Variants in CROCC observed in about 807,000 individuals in gnomAD.
CROCC encodes ciliary rootlet coiled-coil, rootletin, also known as rootletin.
In CROCC, 180 loss-of-function variants were observed where a neutral mutation model predicts 245.2. That is an observed-to-expected ratio of 0.73 (90% CI 0.65 to 0.83). The LOEUF (loss-of-function observed/expected upper bound fraction) is 0.83, where lower values mean the gene tolerates loss of function less well. Ranked by LOEUF, CROCC falls within the 40% of genes least tolerant of loss-of-function variation. The probability of loss-of-function intolerance (pLI) is 0.00; values close to 1 mark genes in which losing one functional copy is unlikely to be tolerated. For synonymous variants in CROCC, 1,205 were observed against 1,241.6 expected, an observed-to-expected ratio of 0.97 and a Z score of 0.62; for missense variants, 2,688 against 2,779.4, an observed-to-expected ratio of 0.97 and a Z score of 0.74.
chr1:16,921,425 A>G (rs182703510), upstream of CROCC, among the ~76,000 whole-genome samples: 4 of 152,416 alleles, frequency 2.6e-5, no homozygotes, highest in East Asian at 7.7e-4. Context: ...TGGACCGCTC[A>G]TGCCCAACTA....
rs775720530 is a variant in CROCC at position 16,948,868 on chromosome 1, C to T, written c.2778C>T (p.Arg926=). ...GGCAGCTGGCCCAGCTTGAGGCCCG[C>T]CGGGAGCAGCTGGAAGCCGAGGGGC... ...VQRQLAQLEA[R]REQLEAEGQA... Residue 926 remains arginine, a synonymous_variant, in exon 19 of 37, where the codon CGC becomes CGT. Coordinates refer to ENST00000375541, the MANE Select transcript of CROCC (RefSeq NM_014675.5). The T allele has an allele frequency of 1.9e-6, 3 of 1,611,298 alleles. No individual in the cohort carries two copies. In the East Asian group the frequency reaches 6.7e-5, roughly 36 times the overall value.
chr1:16,946,636 G>A (rs1356095186), intron 16 of CROCC, 125 bp from the exon 17 acceptor site: 2 of 1,172,164 alleles, frequency 1.7e-6, no homozygotes, highest in African/African-American at 1.5e-5. Context: ...TACACCCAAG[G>A]GCACTGTCCC....
At chr1:16,929,137 A>G (rs2075604863) in intron 3 of CROCC, among the ~76,000 whole-genome samples, 1 of 152,278 alleles carries the variant, frequency 6.6e-6, no homozygotes, top group Non-Finnish European at 1.5e-5. Context: ...AGAAGGGGGC[A>G]TTAATATGCA....
intron 13 of CROCC, chr1:16,940,843 C>A: frequency 2.5e-6 from 1 of 397,302 alleles, no homozygotes. Flanking sequence ...CCTCCCACCT[C>A]TACCTCCCAA....
rs367909410 is a variant in CROCC at position 16,950,963 on chromosome 1, G to A, written c.2847G>A (p.Ala949=). The change falls in exon 20 of 37, where the codon GCG becomes GCA. Residue 949 remains alanine, a synonymous_variant. Coordinates refer to ENST00000375541, the MANE Select transcript of CROCC (RefSeq NM_014675.5). Reference sequence around the variant, plus strand: ...ATTCCTCTCGTGCAGGGGAGTTGGCGGGCCTGCGGCAGCAAATAATAGCTA... The same window carrying A: ...ATTCCTCTCGTGCAGGGGAGTTGGCAGGCCTGCGGCAGCAAATAATAGCTA... ...LAKETLTGEL[A]GLRQQIIATQ... The A allele has an allele frequency of 8.5e-5, 132 of 1,554,688 alleles. No individual in the cohort carries two copies. The African/African-American group carries it at 1.4e-3, about 16-fold the overall frequency.
chr1:16,930,993 G>A (rs1288937252), intron 7 of CROCC, among the ~76,000 whole-genome samples: 5 of 152,292 alleles, frequency 3.3e-5, no homozygotes, highest in African/African-American at 1.2e-4. Flanking sequence ...TAAGTAACCT[G>A]CCCACAGTCA....
At chr1:16,955,155 T>G (rs894613920) in intron 23 of CROCC, among the ~76,000 whole-genome samples, 157 bp from the exon 24 acceptor site, 2 of 152,128 alleles carry the variant, frequency 1.3e-5, no homozygotes, top group Non-Finnish European at 2.9e-5. Context: ...CATTACTGAT[T>G]ACAGCACGCC....
At chr1:16,967,232 G>A (rs1442941329) in intron 30 of CROCC, among the ~76,000 whole-genome samples, 1 of 152,128 alleles carries the variant, frequency 6.6e-6, no homozygotes. Flanking sequence ...TTATGTCTCT[G>A]TAGTTCTGGG....
intron 25 of CROCC, 47 bp downstream of exon 25, chr1:16,956,203 C>T (rs1221791180): frequency 8.8e-6 from 13 of 1,469,816 alleles, no homozygotes; most frequent in Admixed American, 5.0e-5. Flanking sequence ...CTGTGTGCCC[C>T]GGGCCAATAG....
intron 8 of CROCC, among the ~76,000 whole-genome samples, chr1:16,933,475 A>C (rs1260085411): frequency 6.6e-6 from 1 of 152,288 alleles, no homozygotes; most frequent in East Asian, 1.9e-4. Context: ...TCGAAAAAAA[A>C]AGTCACAGAT....
intron 25 of CROCC, among the ~76,000 whole-genome samples, chr1:16,957,752 A>T (rs116376266): frequency 0.021 from 3,222 of 152,182 alleles, 49 homozygotes; most frequent in Non-Finnish European, 0.033. Flanking sequence ...GCCCCCCCAA[A>T]TTTTTTTAAT....
intron 8 of CROCC, among the ~76,000 whole-genome samples, chr1:16,935,880 CTG>C (rs1361429685): frequency 2.0e-5 from 3 of 152,276 alleles, no homozygotes; most frequent in African/African-American, 7.2e-5. Flanking sequence ...GCCATCTCCT[CTG>C]TGCTGGGGTA....
chr1:16,953,244 G>A (rs891443701), intron 20 of CROCC, 58 bp from the exon 21 acceptor site: 47 of 1,487,150 alleles, frequency 3.2e-5, no homozygotes, highest in Admixed American at 6.1e-5. Flanking sequence ...TGATGTTTTG[G>A]GGGGTCTGCC....
chr1:16,935,268 C>G (rs113418768), intron 8 of CROCC, among the ~76,000 whole-genome samples: 504 of 152,260 alleles, frequency 3.3e-3, no homozygotes, highest in African/African-American at 0.011. Context: ...CACACACACA[C>G]AGAGACACAC....
chr1:16,915,544 G>A (rs1473160578), intron 1 of CROCC, among the ~76,000 whole-genome samples: 2 of 152,262 alleles, frequency 1.3e-5, no homozygotes, highest in East Asian at 3.8e-4. Context: ...GGAGGCTGAG[G>A]TGGGAGGATC....
In CROCC at chr1:16,953,447, AG is replaced by A; in HGVS notation, c.3155del (p.Gly1052AlafsTer4). The A allele has an allele frequency of 6.2e-7, 1 of 1,609,724 alleles. No individual in the cohort carries two copies. On this transcript the variant is annotated frameshift_variant, in exon 21 of 37. Coordinates refer to ENST00000375541, the MANE Select transcript of CROCC (RefSeq NM_014675.5). LOFTEE classifies it high-confidence loss of function. ...GCTGCCCTGCAGCAGGAGCGCGACG[AG>A]GGCCTCCTCCTAGCAGAGAGTGAGA... ...EIAALQQERD[E>X]GLLLAESEKQ...
chr1:16,943,830 C>G (rs2075986491), intron 13 of CROCC, among the ~76,000 whole-genome samples: 1 of 152,290 alleles, frequency 6.6e-6, no homozygotes, highest in Non-Finnish European at 1.5e-5. Flanking sequence ...CTAGCTCGGC[C>G]TCTTCTACCT....
At chr1:16,942,091 A>G (rs1422762548) in intron 13 of CROCC, among the ~76,000 whole-genome samples, 31 of 152,166 alleles carry the variant, frequency 2.0e-4, no homozygotes, top group Non-Finnish European at 3.8e-4. Context: ...TTTCACTGCA[A>G]CCTCCACCTC....
chr1:16,948,706 A>G, intron 18 of CROCC, 93 bp from the exon 19 acceptor site: 3 of 1,564,772 alleles, frequency 1.9e-6, no homozygotes, highest in Non-Finnish European at 1.7e-6. Context: ...GTAGATTGGC[A>G]CTTGGCCCAT....
Sources: allele counts gnomAD v4.1 joint callset (sites outside exome capture counted in the v4.1 genomes callset), GRCh38; gene constraint gnomAD v4.1.1; transcripts MANE v1.5; gene names NCBI Gene and HGNC (gene_info 2026-07-23, HGNC 2026-07-21).